Variants in ANKRD36B observed in about 807,000 individuals in gnomAD.
ANKRD36B encodes ankyrin repeat domain-containing protein 36B.
Under a neutral mutation model 135.7 loss-of-function variants are expected in ANKRD36B, and 37 were observed. The observed-to-expected ratio is 0.27, with a 90% CI of 0.21 to 0.36. The LOEUF (loss-of-function observed/expected upper bound fraction) is 0.36, where lower values mean the gene tolerates loss of function less well. ANKRD36B is among the 10% of genes least tolerant of loss of function. ANKRD36B has a pLI of 1.00. For missense variants in ANKRD36B, 549 were observed against 1,037.1 expected (o/e 0.53, Z 6.46); for synonymous variants, 179 against 348.1 (o/e 0.51, Z 5.41).
chr2:97,572,552 T>C (rs908427051), intron 6 of ANKRD36B, among the ~76,000 whole-genome samples: 1 of 147,158 alleles, frequency 6.8e-6, no homozygotes, highest in Non-Finnish European at 1.5e-5. Context: ...CTTAAAATCT[T>C]AAAGGAGCAG....
chr2:97,546,187 C>A (rs1242285103), intron 22 of ANKRD36B, among the ~76,000 whole-genome samples: 1 of 151,714 alleles, frequency 6.6e-6, no homozygotes, highest in Non-Finnish European at 1.5e-5. Context: ...AACTCATACA[C>A]GTGAGAATCA....
At chr2:97,550,352 G>A (rs569777160) in intron 18 of ANKRD36B, among the ~76,000 whole-genome samples, 7 of 151,844 alleles carry the variant, frequency 4.6e-5, no homozygotes, top group African/African-American at 1.7e-4. Context: ...AAGTAAAACT[G>A]CTACAAGCAT....
chr2:97,536,507 A>G lies in ANKRD36B; in HGVS notation c.2090-11T>C, dbSNP rs769357767. The G allele has an allele frequency of 3.2e-5, 29 of 892,430 alleles. 8 individuals carry two copies. The East Asian group carries it at 7.9e-4, about 24-fold the overall frequency. The allele number at this position is 892,430 out of a possible 1,614,324, so 55.3% of individuals were successfully genotyped here. On this transcript the variant is annotated splice_polypyrimidine_tract_variant and intron_variant, in intron 32 of 43. Transcript: ENST00000359901. ...GATTCTCAGGATACTCTAACAAGCA[A>G]GAGAAATATATAATCATATGTAAAT...
chr2:97,535,093 A>G lies in ANKRD36B; in HGVS notation c.2191+1207T>C, dbSNP rs2078794314. 2.1e-5 allele frequency among the ~76,000 whole-genome samples: 2 copies of G among 96,474 alleles called. 1 individual carries two copies. Among genetic ancestry groups the G allele is most frequent in the African/African-American group, 6.1e-5 (2 of 33,050 alleles). The allele number at this position is 96,474 out of a possible 152,430, so 63.3% of individuals were successfully genotyped here. ...AGAAAGGAAGCCTTCACATGTTGTC[A>G]GTCCTTTGTGGGTGTGAGAAATTTA... On this transcript the variant is annotated intron_variant, in intron 34 of 43. Transcript: ENST00000359901.
Position 97,557,094 on chromosome 2 carries a change from G to C in ANKRD36B, c.996+10C>G. The C allele has an allele frequency of 6.5e-7, 1 of 1,544,998 alleles. No individual in the cohort carries two copies. Among genetic ancestry groups the C allele is most frequent in the South Asian group, 1.2e-5 (1 of 83,504 alleles). On this transcript the variant is annotated intron_variant, in intron 11 of 43. Transcript: ENST00000359901. ...TAAATAATTCAAAATATAAATGAAAGAGTAACTACCTTCTGGGCCGATTGT... is the reference window on the plus strand; with the variant it reads ...TAAATAATTCAAAATATAAATGAAACAGTAACTACCTTCTGGGCCGATTGT...
chr2:97,531,176 C>A (rs370074123), intron 35 of ANKRD36B, among the ~76,000 whole-genome samples: 3,227 of 88,454 alleles, frequency 0.036, 869 homozygotes, highest in Middle Eastern at 0.1. Flanking sequence ...ACAATGATAG[C>A]CTGGATTAAG....
rs184572001 is a variant in ANKRD36B, at chr2:97,545,091, C to G, written c.1681+575G>C. Among the ~76,000 whole-genome samples the G allele has an allele frequency of 5.7e-3, 542 of 95,790 alleles. 159 individuals carry two copies. Among genetic ancestry groups the G allele is most frequent in the Middle Eastern group, 0.026 (5 of 192 alleles). 62.8% of individuals were successfully genotyped at this position (95,790 alleles called of 152,430 possible). Reference sequence around the variant, plus strand: ...GTGCCTGGAGCTGCCAAAATCAAGTCTTCTTTTATGCAAATGTTCCAAATG... The same window carrying G: ...GTGCCTGGAGCTGCCAAAATCAAGTGTTCTTTTATGCAAATGTTCCAAATG... On this transcript the variant is annotated intron_variant, in intron 24 of 43. Transcript: ENST00000359901.
chr2:97,545,119 T>C (rs2079343793), intron 24 of ANKRD36B, among the ~76,000 whole-genome samples: 1 of 96,000 alleles, frequency 1.0e-5, no homozygotes, highest in Admixed American at 9.3e-5. Flanking sequence ...TCCAAATGTA[T>C]TGAAGTGAGT....
At chr2:97,575,420 G>T (rs11687727) in intron 6 of ANKRD36B, among the ~76,000 whole-genome samples, 53,554 of 139,974 alleles carry the variant, frequency 0.38, 7,759 homozygotes, top group Non-Finnish European at 0.52. Flanking sequence ...CAGTGAACAC[G>T]TCCTACTCCT....
At chr2:97,551,140 A>C in intron 18 of ANKRD36B, 149 bp downstream of exon 18, 1 of 1,138,244 alleles carries the variant, frequency 8.8e-7, no homozygotes, top group Non-Finnish European at 1.2e-6. Flanking sequence ...CAGCAGTATC[A>C]GCATAACCCA....
chr2:97,513,986 C>A (rs2077680957), intron 37 of ANKRD36B, among the ~76,000 whole-genome samples: 1 of 127,476 alleles, frequency 7.8e-6, no homozygotes, highest in South Asian at 2.2e-4. Flanking sequence ...TATTTGATTG[C>A]TGTCTCATGC....
chr2:97,572,541 A>T (rs2081952138), intron 6 of ANKRD36B, among the ~76,000 whole-genome samples: 2 of 145,610 alleles, frequency 1.4e-5, no homozygotes, highest in African/African-American at 5.0e-5. Context: ...TTTAAAAGAA[A>T]CTTAAAATCT....
chr2:97,558,411 T>C (rs1014954576), intron 10 of ANKRD36B, among the ~76,000 whole-genome samples: 1 of 151,972 alleles, frequency 6.6e-6, no homozygotes, highest in Non-Finnish European at 1.5e-5. Context: ...TTCTACAGTG[T>C]TTATGGGCTA....
intron 4 of ANKRD36B, among the ~76,000 whole-genome samples, chr2:97,579,963 C>T (rs546904722): frequency 1.3e-5 from 2 of 152,312 alleles, no homozygotes; most frequent in South Asian, 2.1e-4. Context: ...AGGGATTAAA[C>T]CCAGTCCTGT....
chr2:97,562,580 T>A (rs370957263), intron 6 of ANKRD36B, among the ~76,000 whole-genome samples: 1 of 151,992 alleles, frequency 6.6e-6, no homozygotes, highest in Non-Finnish European at 1.5e-5. Flanking sequence ...CATCAGAAAC[T>A]TCCAAATTAC....
rs1393319304 is a variant in ANKRD36B, at chr2:97,529,266, T to C, written c.2265+3045A>G. Among the ~76,000 whole-genome samples the C allele has an allele frequency of 2.1e-5, 2 of 95,658 alleles. 1 individual carries two copies. The highest frequency in any genetic ancestry group is 5.5e-5 in the Non-Finnish European group (2 of 36,070). The allele number at this position is 95,658 out of a possible 152,430, so 62.8% of individuals were successfully genotyped here. A position where few individuals can be genotyped will look rare whatever the true frequency, so the allele number is the denominator to read the frequency against. On this transcript the variant is annotated intron_variant, in intron 35 of 43. Transcript: ENST00000359901. ...GGTTCAATATACGCAAATCAATAAA[T>C]GTAATCCAGCTTATAAACAGAACCA...
intron 28 of ANKRD36B, among the ~76,000 whole-genome samples, chr2:97,541,285 T>C (rs2079139206): frequency 1.0e-5 from 1 of 97,142 alleles, no homozygotes; most frequent in South Asian, 2.3e-4. Flanking sequence ...ATCCCAATTC[T>C]AGCATTGTTT....
chr2:97,572,763 G>A (rs964846425), intron 6 of ANKRD36B, among the ~76,000 whole-genome samples: 2 of 151,318 alleles, frequency 1.3e-5, no homozygotes, highest in African/African-American at 4.9e-5. Context: ...AGTAAAAGCA[G>A]AGATATTACA....
chr2:97,589,753 G>C lies in ANKRD36B; in HGVS notation c.-68C>G. ...CGGCTGCAAATTGTAGCCTGCAGCCGTATTTCAGCTCGCCTTCGGGGATCG... is the reference window on the plus strand; with the variant it reads ...CGGCTGCAAATTGTAGCCTGCAGCCCTATTTCAGCTCGCCTTCGGGGATCG... On this transcript the variant is annotated 5_prime_UTR_variant, in exon 1 of 44. Transcript: ENST00000359901. 1 of 1,610,510 alleles carries C rather than the reference G, an allele frequency of 6.2e-7. No individual in the cohort carries two copies. The highest frequency in any genetic ancestry group is 1.1e-5 in the South Asian group (1 of 90,930).
Sources: gnomAD v4.1 joint callset for allele counts (sites outside exome capture counted in the v4.1 genomes callset) on GRCh38, gnomAD v4.1.1 for gene constraint, MANE v1.5 for transcripts, NCBI Gene and HGNC (gene_info 2026-07-23, HGNC 2026-07-21) for gene names.